SCHIP1: variants seen among roughly 807,000 people sequenced by gnomAD.
The protein encoded by SCHIP1 is schwannomin-interacting protein 1.
In SCHIP1, 8 loss-of-function variants were observed where a neutral mutation model predicts 29.7. The observed-to-expected ratio is 0.27, with a 90% CI of 0.16 to 0.49. The LOEUF (loss-of-function observed/expected upper bound fraction) is 0.49, where lower values mean the gene tolerates loss of function less well. Among genes scored for constraint, SCHIP1 ranks in the 20% least tolerant of loss-of-function variants. SCHIP1 has a pLI of 0.99. For missense variants in SCHIP1, 193 were observed against 294.6 expected, an observed-to-expected ratio of 0.66 and a Z score of 2.52; for synonymous variants, 76 against 94.9, an observed-to-expected ratio of 0.80 and a Z score of 1.16.
chr3:159,741,905 A>G, the SCHIP1 span, among the ~76,000 whole-genome samples: 1 of 152,198 alleles, frequency 6.6e-6, no homozygotes, highest in Non-Finnish European at 1.5e-5. Context: ...AGCACTGTGC[A>G]TGAGGGATTC....
chr3:159,840,265 CT>C, intron 1 of SCHIP1: 6 of 1,455,624 alleles, frequency 4.1e-6, no homozygotes, highest in Non-Finnish European at 5.6e-6. Flanking sequence ...GAGAGGAGGC[CT>C]TCCTCTTCCA....
At chr3:159,784,091 A>G in the SCHIP1 span, among the ~76,000 whole-genome samples, 1 of 152,208 alleles carries the variant, frequency 6.6e-6, no homozygotes, top group African/African-American at 2.4e-5. Flanking sequence ...AGTCTTGGTT[A>G]GGAGCAAAGG....
At chr3:159,883,133 A>G (rs1045598382) in intron 2 of SCHIP1, among the ~76,000 whole-genome samples, 22 of 152,224 alleles carry the variant, frequency 1.4e-4, no homozygotes, top group African/African-American at 5.3e-4. Context: ...TGAAATCGAC[A>G]GGCAAGGCTG....
At chr3:159,609,628 T>C in the SCHIP1 span, among the ~76,000 whole-genome samples, 927 of 152,194 alleles carry the variant, frequency 6.1e-3, 8 homozygotes, top group Non-Finnish European at 8.3e-3. Flanking sequence ...GAGCCTGATA[T>C]GAGTTCCTCC....
intron 2 of SCHIP1, among the ~76,000 whole-genome samples, chr3:159,873,014 A>G (rs1715436225): frequency 6.6e-6 from 1 of 152,236 alleles, no homozygotes; most frequent in Non-Finnish European, 1.5e-5. Context: ...AAAAACCATT[A>G]GGTAACTTAC....
upstream of SCHIP1, among the ~76,000 whole-genome samples, chr3:159,835,329 C>G (rs887181449): frequency 1.3e-5 from 2 of 152,222 alleles, no homozygotes; most frequent in African/African-American, 4.8e-5. Flanking sequence ...GGGTCAGGAA[C>G]TGACTGGAAG....
chr3:159,351,562 T>C, the SCHIP1 span, among the ~76,000 whole-genome samples: 1 of 152,018 alleles, frequency 6.6e-6, no homozygotes, highest in African/African-American at 2.4e-5. Flanking sequence ...ATATTTCTAT[T>C]TAAAATTTTT....
At chr3:159,370,262 C>T in the SCHIP1 span, among the ~76,000 whole-genome samples, 1 of 152,178 alleles carries the variant, frequency 6.6e-6, no homozygotes, top group Non-Finnish European at 1.5e-5. Flanking sequence ...CACTCTATCT[C>T]AGCCATGCTG....
chr3:159,884,124 G>C (rs929613470), intron 2 of SCHIP1, among the ~76,000 whole-genome samples: 6 of 152,086 alleles, frequency 3.9e-5, no homozygotes, highest in African/African-American at 1.4e-4. Context: ...CATAATCCTA[G>C]ATTCAAATTA....
chr3:159,662,610 T>C, the SCHIP1 span, among the ~76,000 whole-genome samples: 1 of 152,158 alleles, frequency 6.6e-6, no homozygotes, highest in African/African-American at 2.4e-5. Context: ...TTTAAAACTT[T>C]CTTGGGGGGA....
chr3:159,361,243 T>C, the SCHIP1 span, among the ~76,000 whole-genome samples: 1 of 152,246 alleles, frequency 6.6e-6, no homozygotes, highest in Non-Finnish European at 1.5e-5. Flanking sequence ...ATATGGTTGC[T>C]AAATAATTGG....
the SCHIP1 span, among the ~76,000 whole-genome samples, chr3:159,283,277 C>T: frequency 1.3e-5 from 2 of 152,092 alleles, no homozygotes; most frequent in Admixed American, 6.6e-5. Context: ...CTCAGCTTCC[C>T]GAGTAGCTGG....
chr3:159,707,970 T>A, the SCHIP1 span, among the ~76,000 whole-genome samples: 1 of 152,174 alleles, frequency 6.6e-6, no homozygotes, highest in African/African-American at 2.4e-5. Flanking sequence ...TTTTCTTATC[T>A]TTCTCCCTCC....
the SCHIP1 span, among the ~76,000 whole-genome samples, chr3:159,511,044 T>G: frequency 6.6e-6 from 1 of 152,246 alleles, no homozygotes; most frequent in Non-Finnish European, 1.5e-5. Context: ...GCCTTTTGTT[T>G]GGCTATGCCC....
At chr3:159,296,617 T>C in the SCHIP1 span, among the ~76,000 whole-genome samples, 1 of 151,968 alleles carries the variant, frequency 6.6e-6, no homozygotes, top group South Asian at 2.1e-4. Context: ...CTACTAAAGA[T>C]ACAAAAACTT....
intron 1 of SCHIP1, among the ~76,000 whole-genome samples, chr3:159,857,355 A>G (rs898204683): frequency 1.2e-4 from 18 of 151,988 alleles, no homozygotes; most frequent in African/African-American, 4.3e-4. Flanking sequence ...AGCACTCTCT[A>G]CTTGGTCTCT....
At chr3:159,777,108 A>G in the SCHIP1 span, among the ~76,000 whole-genome samples, 1 of 152,222 alleles carries the variant, frequency 6.6e-6, no homozygotes, top group Non-Finnish European at 1.5e-5. Flanking sequence ...ACTATTACAT[A>G]TTGGCAAACA....
chr3:159,541,163 T>C, the SCHIP1 span, among the ~76,000 whole-genome samples: 3 of 152,154 alleles, frequency 2.0e-5, no homozygotes, highest in East Asian at 5.8e-4. Context: ...CAGTTGGAAA[T>C]GATGGGCACA....
the SCHIP1 span, among the ~76,000 whole-genome samples, chr3:159,701,063 T>G: frequency 6.6e-6 from 1 of 152,108 alleles, no homozygotes; most frequent in African/African-American, 2.4e-5. Context: ...TGCGATTAAA[T>G]ACAATAATAT....
Sources: gnomAD v4.1 joint callset for allele counts (sites outside exome capture counted in the v4.1 genomes callset) on GRCh38, gnomAD v4.1.1 for gene constraint, MANE v1.5 for transcripts, NCBI Gene and HGNC (gene_info 2026-07-23, HGNC 2026-07-21) for gene names.